AMPH: variants seen among roughly 807,000 people sequenced by gnomAD.
AMPH encodes the protein amphiphysin (Stiff-Mann syndrome with breast cancer 128kD autoantigen).
AMPH carries 49 observed loss-of-function variants against 99.1 expected under a neutral mutation model. That is an observed-to-expected ratio of 0.49 (90% confidence interval 0.39 to 0.63). The LOEUF is 0.63. Ranked by LOEUF, AMPH falls within the 20% of genes least tolerant of loss-of-function variation. The pLI is 0.00. For synonymous variants in AMPH, 314 were observed against 317.3 expected, an observed-to-expected ratio of 0.99 and a Z score of 0.11; for missense variants, 759 against 863.4, an observed-to-expected ratio of 0.88 and a Z score of 1.52.
intron 1 of AMPH, among the ~76,000 whole-genome samples, chr7:38,563,759 A>G (rs573050504): frequency 6.6e-6 from 1 of 152,356 alleles, no homozygotes; most frequent in South Asian, 2.1e-4. Context: ...CAAAACATGG[A>G]AAGTCTAAAG....
At chr7:38,602,280 T>C (rs1017799747) in intron 1 of AMPH, among the ~76,000 whole-genome samples, 2 of 152,180 alleles carry the variant, frequency 1.3e-5, no homozygotes, top group Non-Finnish European at 2.9e-5. Context: ...GCTTTCTAAA[T>C]TGATTTCTGT....
At chr7:38,584,758 A>T (rs773763428) in intron 1 of AMPH, among the ~76,000 whole-genome samples, 2 of 152,206 alleles carry the variant, frequency 1.3e-5, no homozygotes, top group Non-Finnish European at 2.9e-5. Flanking sequence ...TCTCCGGGGC[A>T]CACGGCCTGA....
chr7:38,515,195 C>T (rs1034787697), intron 2 of AMPH, among the ~76,000 whole-genome samples: 11 of 152,242 alleles, frequency 7.2e-5, no homozygotes, highest in Admixed American at 6.5e-5. Flanking sequence ...TGAGTTGTGT[C>T]CATGCCCAGC....
rs1377835683 is a variant in AMPH, at chr7:38,436,306, C to T, written c.1100G>A (p.Gly367Asp). 3 of 1,614,046 alleles carry T rather than the reference C, an allele frequency of 1.9e-6. No individual in the cohort carries two copies. The highest frequency in any genetic ancestry group is 1.7e-6 in the Non-Finnish European group (2 of 1,180,014). ...GGGTGAGTGGGTCACTCCAGCAGAA[C>T]CTGCAGGTGTCACCTCGGGCTTGAA... is the stretch of plus-strand genomic sequence containing the variant. ...DPFKPEVTPA[G>D]SAGVTHSPMS... Residue 367 changes from glycine to aspartate, a missense_variant, in exon 12 of 21, where the codon GGT becomes GAT. This residue lies in a region of AMPH where 554 missense variants were observed against 575.6 expected (regional missense o/e 0.96). Transcript: ENST00000356264.
chr7:38,419,820 A>G (rs541096434), intron 16 of AMPH, among the ~76,000 whole-genome samples: 1 of 152,354 alleles, frequency 6.6e-6, no homozygotes, highest in East Asian at 1.9e-4. Flanking sequence ...AGAAGCCAAG[A>G]GATGTTTTAA....
At position 38,489,406 on chromosome 7, in the gene AMPH, A is replaced by G. The variant is rs1431998783; in HGVS notation, c.396+1644T>C. ...TGTAAAACTCCTAGAAGAAAAGTTG[A>G]GGGGGGGGGAAGCTTCATTTTCTAA... On this transcript the variant is annotated intron_variant, in intron 5 of 20. Transcript: ENST00000356264. Among the ~76,000 whole-genome samples the G allele has an allele frequency of 2.0e-5, 3 of 150,436 alleles. No homozygotes were observed. The South Asian group carries it at 6.4e-4, about 32-fold the overall frequency.
At chr7:38,392,269 C>T (rs542474420) in intron 18 of AMPH, among the ~76,000 whole-genome samples, 30 of 150,130 alleles carry the variant, frequency 2.0e-4, no homozygotes, top group South Asian at 8.6e-4. Context: ...CATGAGGTTT[C>T]GGTGGGAATT....
intron 7 of AMPH, among the ~76,000 whole-genome samples, chr7:38,468,457 T>C (rs1787750832): frequency 6.6e-6 from 1 of 152,238 alleles, no homozygotes; most frequent in African/African-American, 2.4e-5. Flanking sequence ...TTTTCTGATA[T>C]ACAGCATATC....
chr7:38,557,171 G>A (rs781192154), intron 1 of AMPH, among the ~76,000 whole-genome samples: 14 of 152,126 alleles, frequency 9.2e-5, no homozygotes, highest in South Asian at 2.1e-4. Flanking sequence ...GAACAAAGGC[G>A]CGGGAATAGC....
At chr7:38,570,947 A>T (rs1170234523) in intron 1 of AMPH, among the ~76,000 whole-genome samples, 41 of 100,320 alleles carry the variant, frequency 4.1e-4, no homozygotes, top group East Asian at 1.5e-3. Context: ...ATATATATTT[A>T]TATATATAGA....
chr7:38,473,799 A>G (rs549316170), intron 7 of AMPH, among the ~76,000 whole-genome samples: 2 of 150,498 alleles, frequency 1.3e-5, no homozygotes, highest in South Asian at 4.2e-4. Context: ...TTTTTAAAAA[A>G]AAGCCATAGC....
intron 2 of AMPH, among the ~76,000 whole-genome samples, chr7:38,519,438 T>G: frequency 6.6e-6 from 1 of 151,604 alleles, no homozygotes; most frequent in East Asian, 1.9e-4. Context: ...ATTAAATATA[T>G]TAAGGCTCTC....
rs752182613 is a variant in AMPH at position 38,391,998 on chromosome 7, A to T, written c.1628T>A (p.Val543Glu). 6 of 1,606,844 alleles carry T rather than the reference A, an allele frequency of 3.7e-6. No individual in the cohort carries two copies. The South Asian group carries it at 6.6e-5, about 18-fold the overall frequency. The change falls in exon 19 of 21, where the codon GTG becomes GAG. Residue 543 changes from valine (V) to glutamate (E), a missense_variant. Physicochemically the swap from Val to Glu is moderately radical, Grantham distance 121. Around this residue, in one of 2 missense-constraint regions of AMPH, gnomAD observed 554 missense variants for 575.6 expected, o/e 0.96. Transcript: ENST00000356264. The part of the protein sequence containing the change: ...TVPQEKVIPS[V>E]VIEPASNHEE... ...ATGGTTGGAGGCAGGCTCTATGACC[A>T]CCGAAGGAATGACCTTCTCCTGGGG...
chr7:38,405,899 C>T (rs987519985), intron 17 of AMPH, among the ~76,000 whole-genome samples: 1 of 152,142 alleles, frequency 6.6e-6, no homozygotes, highest in Non-Finnish European at 1.5e-5. Flanking sequence ...AACATTCCAC[C>T]CAACAACTGC....
intron 11 of AMPH, among the ~76,000 whole-genome samples, chr7:38,441,717 G>A (rs1275993028): frequency 8.3e-6 from 1 of 120,490 alleles, no homozygotes; most frequent in Non-Finnish European, 1.7e-5. Flanking sequence ...ATGAAGGCCT[G>A]GATAAAGAAA....
At chr7:38,539,171 A>G (rs1790719062) in intron 1 of AMPH, among the ~76,000 whole-genome samples, 1 of 152,212 alleles carries the variant, frequency 6.6e-6, no homozygotes, top group Non-Finnish European at 1.5e-5. Flanking sequence ...AGACAGTTTC[A>G]ATTGCTACAG....
At chr7:38,564,899 T>C (rs565414446) in intron 1 of AMPH, among the ~76,000 whole-genome samples, 14 of 151,944 alleles carry the variant, frequency 9.2e-5, no homozygotes, top group Non-Finnish European at 1.2e-4. Flanking sequence ...CTGAGGTGGG[T>C]GGATCACGAG....
chr7:38,610,300 AG>A (rs1793602721), intron 1 of AMPH, among the ~76,000 whole-genome samples: 22 of 14,074 alleles, frequency 1.6e-3, no homozygotes, highest in Admixed American at 2.7e-3. Flanking sequence ...AAGAAAGAAA[AG>A]AAAAGAAAAG....
intron 1 of AMPH, 33 bp downstream of exon 1, chr7:38,631,249 TC>T (rs1282410333): frequency 2.7e-6 from 4 of 1,502,010 alleles, no homozygotes; most frequent in Non-Finnish European, 2.7e-6. Context: ...CCGCCTGGCG[TC>T]CCCGGCCCCA....
Sources: allele counts gnomAD v4.1 joint callset (sites outside exome capture counted in the v4.1 genomes callset), GRCh38; gene constraint gnomAD v4.1.1; regional missense constraint gnomAD v4.1.1; transcripts MANE v1.5; gene names NCBI Gene and HGNC (gene_info 2026-07-23, HGNC 2026-07-21).